Variants in CALCR observed in about 807,000 individuals in gnomAD.
CALCR encodes the protein calcitonin receptor.
Under a neutral mutation model 59.5 loss-of-function variants are expected in CALCR, and 47 were observed. The ratio of observed to expected loss-of-function variants is 0.79; its 90% CI spans 0.63 to 1.01. The LOEUF (loss-of-function observed/expected upper bound fraction) is 1.01. CALCR is among the 50% of genes least tolerant of loss of function. The pLI is 0.00. For synonymous variants in CALCR, 213 were observed against 211.3 expected (o/e 1.01, Z -0.07); for missense variants, 566 against 597.1 (o/e 0.95, Z 0.54).
intron 2 of CALCR, among the ~76,000 whole-genome samples, chr7:93,557,616 CTCAT>C (rs1278846833): frequency 1.3e-5 from 2 of 151,832 alleles, no homozygotes; most frequent in African/African-American, 4.8e-5. Flanking sequence ...ATAGTCAAGT[CTCAT>C]TCTCTCTTTA....
chr7:93,469,249 G>A (rs993762142), intron 6 of CALCR, among the ~76,000 whole-genome samples: 2 of 151,484 alleles, frequency 1.3e-5, no homozygotes, highest in African/African-American at 4.8e-5. Flanking sequence ...AGGTTTCTGT[G>A]CCTTTGTTTA....
At chr7:93,479,614 A>C (rs1330488218) in intron 3 of CALCR, 107 bp from the exon 4 acceptor site, 1 of 1,004,468 alleles carries the variant, frequency 1.0e-6, no homozygotes. Flanking sequence ...CTCTCTAAGC[A>C]ATACTTATTC....
At chr7:93,550,853 T>G (rs989736916) in intron 2 of CALCR, among the ~76,000 whole-genome samples, 1 of 152,152 alleles carries the variant, frequency 6.6e-6, no homozygotes, top group African/African-American at 2.4e-5. Context: ...TGATACCAGC[T>G]CCTAGCAATC....
At chr7:93,461,753 T>C (rs751293226) in intron 7 of CALCR, among the ~76,000 whole-genome samples, 3 of 152,202 alleles carry the variant, frequency 2.0e-5, no homozygotes, top group Non-Finnish European at 4.4e-5. Flanking sequence ...GGTGTGAATG[T>C]TCACATAAAT....
rs1800745783 is a variant in CALCR at position 93,479,460 on chromosome 7, T to G, written c.99A>C (p.Thr33=). The G allele has an allele frequency of 6.2e-7, 1 of 1,612,594 alleles. No individual in the cohort carries two copies. Among genetic ancestry groups the G allele is most frequent in the Admixed American group, 1.7e-5 (1 of 59,856 alleles). The part of the protein sequence containing the change: ...LPAFSNQTYP[T]IEPKPFLYVV... Reference sequence around the variant, plus strand: ...CGTAAAGAAATGGCTTGGGCTCTATTGTTGGATAGGTTTGATTTGAAAAGG... The same window carrying G: ...CGTAAAGAAATGGCTTGGGCTCTATGGTTGGATAGGTTTGATTTGAAAAGG... Residue 33 remains threonine, a synonymous_variant, in exon 4 of 14, where the codon ACA becomes ACC. Transcript: ENST00000426151.
intron 2 of CALCR, among the ~76,000 whole-genome samples, chr7:93,556,265 G>A (rs972663150): frequency 2.6e-5 from 4 of 152,092 alleles, no homozygotes; most frequent in Admixed American, 2.6e-4. Flanking sequence ...TGACCCTAAA[G>A]GGCACTGATA....
At chr7:93,506,221 A>T (rs1283509028) in intron 2 of CALCR, among the ~76,000 whole-genome samples, 1 of 152,192 alleles carries the variant, frequency 6.6e-6, no homozygotes, top group Non-Finnish European at 1.5e-5. Flanking sequence ...ATGCCGCTTC[A>T]CTAGGTTTCT....
chr7:93,465,052 C>T (rs187262794), intron 7 of CALCR, among the ~76,000 whole-genome samples: 48 of 151,918 alleles, frequency 3.2e-4, no homozygotes, highest in Non-Finnish European at 6.3e-4. Context: ...ATCTGTTTTC[C>T]AACCTATATT....
intron 8 of CALCR, among the ~76,000 whole-genome samples, chr7:93,458,023 C>T (rs575241041): frequency 7.0e-4 from 106 of 152,054 alleles, no homozygotes; most frequent in African/African-American, 2.3e-3. Flanking sequence ...ATCCATTGCT[C>T]GGATATTGCA....
chr7:93,435,198 A>G (rs2115686527), intron 12 of CALCR, among the ~76,000 whole-genome samples: 1 of 152,216 alleles, frequency 6.6e-6, no homozygotes, highest in East Asian at 1.9e-4. Flanking sequence ...CCTGGATACA[A>G]CTTCCCTTTA....
chr7:93,565,907 G>A, intron 2 of CALCR, among the ~76,000 whole-genome samples: 1 of 152,126 alleles, frequency 6.6e-6, no homozygotes, highest in Non-Finnish European at 1.5e-5. Flanking sequence ...AATTATGCTG[G>A]AAGTTGGGTT....
intron 2 of CALCR, among the ~76,000 whole-genome samples, chr7:93,507,388 C>T (rs2116029299): frequency 6.6e-6 from 1 of 152,058 alleles, no homozygotes; most frequent in South Asian, 2.1e-4. Flanking sequence ...AAGGGAGAGC[C>T]AGCTGTCAGG....
intron 2 of CALCR, among the ~76,000 whole-genome samples, chr7:93,569,558 C>T (rs543257618): frequency 1.3e-5 from 2 of 152,072 alleles, no homozygotes; most frequent in Non-Finnish European, 2.9e-5. Flanking sequence ...GCTGGTTGTC[C>T]GGCTAGGCAC....
rs1799533168 is a variant in CALCR at position 93,426,513 on chromosome 7, T to G, written c.1268A>C (p.Asn423Thr). 6.2e-7 allele frequency: 1 copy of G among 1,613,962 alleles called. No homozygotes were observed. The highest frequency in any genetic ancestry group is 1.6e-4 in the Middle Eastern group (1 of 6,062). Reference sequence around the variant, plus strand: ...AGCGGCTGCAGCGCGAGCAGAGCGGTTGGAGGGGCGCCTCCCCCAACGCTG... The same window carrying G: ...AGCGGCTGCAGCGCGAGCAGAGCGGGTGGAGGGGCGCCTCCCCCAACGCTG... Reference protein sequence around the residue: ...WNQRWGRRPSNRSARAAAAAA... With the variant: ...WNQRWGRRPSTRSARAAAAAA... The change falls in exon 14 of 14, where the codon AAC becomes ACC. Residue 423 changes from asparagine (N) to threonine (T), a missense_variant. By Grantham distance (65) the Asn-to-Thr change is moderately conservative. Transcript: ENST00000426151.
intron 3 of CALCR, among the ~76,000 whole-genome samples, chr7:93,485,676 T>C (rs1800926763): frequency 6.6e-6 from 1 of 151,624 alleles, no homozygotes; most frequent in African/African-American, 2.4e-5. Flanking sequence ...AATTAAAATA[T>C]TCTATTAGTT....
intron 7 of CALCR, chr7:93,462,090 G>T: frequency 6.7e-7 from 1 of 1,502,942 alleles, no homozygotes; most frequent in Non-Finnish European, 8.9e-7. Context: ...CCAATTCAAA[G>T]GAAAAATAGT....
At chr7:93,535,060 C>T (rs193121429) in intron 2 of CALCR, among the ~76,000 whole-genome samples, 1 of 151,750 alleles carries the variant, frequency 6.6e-6, no homozygotes, top group East Asian at 1.9e-4. Context: ...CTTCCCAGCT[C>T]AGTAAACTCT....
Position 93,443,652 on chromosome 7 carries a change from C to T in CALCR, c.754G>A (p.Val252Met). The change falls in exon 9 of 14, where the codon GTG becomes ATG. Residue 252 changes from valine to methionine, a missense_variant. Transcript: ENST00000426151. ...CGCAAGCGTTGCTTCTCAGTAAACA[C>T]AGCCACGACAATGAGTGTATGAAGA... Reference protein sequence around the residue: ...IYLHTLIVVAVFTEKQRLRWY... With the variant: ...IYLHTLIVVAMFTEKQRLRWY... The T allele has an allele frequency of 1.2e-6, 2 of 1,613,506 alleles. No homozygotes were observed. Among genetic ancestry groups the T allele is most frequent in the Non-Finnish European group, 8.5e-7 (1 of 1,179,580 alleles).
chr7:93,557,288 AAATT>A (rs1361975624), intron 2 of CALCR, among the ~76,000 whole-genome samples: 1 of 151,810 alleles, frequency 6.6e-6, no homozygotes, highest in Non-Finnish European at 1.5e-5. Flanking sequence ...AAAAATTGAC[AAATT>A]AATATTATAT....
Sources: gnomAD v4.1 joint callset for allele counts (sites outside exome capture counted in the v4.1 genomes callset) on GRCh38, gnomAD v4.1.1 for gene constraint, MANE v1.5 for transcripts, NCBI Gene and HGNC (gene_info 2026-07-23, HGNC 2026-07-21) for gene names.